XCR1: variants seen among roughly 807,000 people sequenced by gnomAD.
XCR1 encodes chemokine XC receptor 1.
For synonymous variants in XCR1, 187 were observed against 188.5 expected (o/e 0.99, Z 0.06); for missense variants, 356 against 424.2 (o/e 0.84, Z 1.41).
In XCR1 at chr3:46,020,206, G is replaced by A. The variant is rs980866773; in HGVS notation, c.*740C>T. The A allele has an allele frequency of 6.6e-6, 1 of 152,398 alleles. No individual in the cohort carries two copies. The highest frequency in any genetic ancestry group is 1.5e-5 in the Non-Finnish European group (1 of 68,064). The allele number at this position is 152,398 out of a possible 1,614,324, so 9.4% of individuals were successfully genotyped here. On this transcript the variant is annotated 3_prime_UTR_variant, in exon 2 of 2. Coordinates refer to ENST00000309285, the MANE Select transcript of XCR1 (RefSeq NM_001024644.2). ...CTTTGGAGCTGGGCTGTTGGCCCCT[G>A]GAGGGTAGCAACTGTATCTCATTCA...
intron 5 of XCR1, among the ~76,000 whole-genome samples, chr3:46,033,546 G>C (rs930176970): frequency 2.0e-5 from 3 of 149,818 alleles, no homozygotes; most frequent in Non-Finnish European, 4.4e-5. Flanking sequence ...ACTTTCACCA[G>C]TGTCACACTA....
Position 46,021,330 on chromosome 3 carries a change from C to T in XCR1, c.618G>A (p.Val206=). Residue 206 remains valine (V), a synonymous_variant, in exon 2 of 2, where the codon GTG becomes GTA. Coordinates refer to ENST00000309285, the MANE Select transcript of XCR1 (RefSeq NM_001024644.2). The surrounding 1 kb of genome is among the most constrained non-coding windows in gnomAD (Gnocchi z 4.7). ...AGCGGAACAGGGTCCTGAGGATCTC[C>T]ACGTAGCAGAACAGGATAATCCCCA... ...LSLGIILFCY[V]EILRTLFRSR... 6.2e-7 allele frequency: 1 copy of T among 1,614,194 alleles called. No homozygotes were observed. The highest frequency in any genetic ancestry group is 1.3e-5 in the African/African-American group (1 of 75,040).
At chr3:46,066,044 G>C (rs1234708182) in intron 4 of XCR1, among the ~76,000 whole-genome samples, 1 of 152,152 alleles carries the variant, frequency 6.6e-6, no homozygotes, top group Non-Finnish European at 1.5e-5. Context: ...TGGGTGGAAG[G>C]AGGGAGGCTA....
intron 1 of XCR1, among the ~76,000 whole-genome samples, chr3:46,026,015 T>G (rs35161099): frequency 0.09 from 13,716 of 152,242 alleles, 1,007 homozygotes; most frequent in South Asian, 0.34. Context: ...TGAGATTGTT[T>G]TAATACATGA....
chr3:46,082,476 C>CTTTTTTTTTTTTTTTTT (rs61282576), intron 1 of XCR1, among the ~76,000 whole-genome samples: 1 of 100,030 alleles, frequency 1.0e-5, no homozygotes, highest in African/African-American at 3.8e-5. Context: ...AATCAGGCTC[C>CTTTTTTTTTTTTTTTTT]TTTTTTTTTT....
chr3:46,047,875 T>C (rs1575423761), intron 5 of XCR1, among the ~76,000 whole-genome samples: 1 of 152,228 alleles, frequency 6.6e-6, no homozygotes, highest in Admixed American at 6.5e-5. Context: ...ACATAGATTG[T>C]TTTCTAGCCA....
intron 5 of XCR1, among the ~76,000 whole-genome samples, chr3:46,043,879 G>A (rs1004681284): frequency 2.0e-5 from 3 of 152,160 alleles, no homozygotes; most frequent in Non-Finnish European, 4.4e-5. Context: ...AATTATGTGT[G>A]TTAACATGAT....
At chr3:46,084,897 T>G (rs1698444410) in intron 1 of XCR1, among the ~76,000 whole-genome samples, 1 of 152,118 alleles carries the variant, frequency 6.6e-6, no homozygotes, top group Non-Finnish European at 1.5e-5. Context: ...CTCAGCATCT[T>G]GCAATATACC....
chr3:46,078,570 T>C (rs1362109414), intron 1 of XCR1, among the ~76,000 whole-genome samples: 3 of 152,154 alleles, frequency 2.0e-5, no homozygotes, highest in Non-Finnish European at 4.4e-5. Context: ...ACCTCTGCCT[T>C]GGGGAAGGGA....
chr3:46,071,434 G>A (rs1473143758), intron 3 of XCR1, among the ~76,000 whole-genome samples: 1 of 151,966 alleles, frequency 6.6e-6, no homozygotes, highest in Non-Finnish European at 1.5e-5. Flanking sequence ...CTAAAAAATT[G>A]AGGAGGGAAT....
intron 1 of XCR1, among the ~76,000 whole-genome samples, chr3:46,079,524 C>T (rs1303018236): frequency 1.3e-5 from 2 of 152,040 alleles, no homozygotes; most frequent in African/African-American, 4.8e-5. Flanking sequence ...TCTCCTCATC[C>T]TACCCCTGCA....
At chr3:46,041,497 T>G (rs1697536033) in intron 5 of XCR1, among the ~76,000 whole-genome samples, 1 of 152,188 alleles carries the variant, frequency 6.6e-6, no homozygotes. Context: ...GATTTCTGGG[T>G]GGCTGCAAGG....
At chr3:46,054,093 G>A (rs557985273) in intron 4 of XCR1, among the ~76,000 whole-genome samples, 7 of 152,270 alleles carry the variant, frequency 4.6e-5, no homozygotes, top group South Asian at 2.1e-4. Context: ...GGGCAAACGC[G>A]GGAATAAAAG....
At chr3:46,053,544 G>C (rs559127718) in intron 5 of XCR1, among the ~76,000 whole-genome samples, 7 of 152,284 alleles carry the variant, frequency 4.6e-5, no homozygotes, top group Non-Finnish European at 8.8e-5. Context: ...GATTCAGCCT[G>C]CTGTCCCGCA....
At chr3:46,053,362 A>G (rs114384254) in intron 5 of XCR1, among the ~76,000 whole-genome samples, 50,704 of 136,158 alleles carry the variant, frequency 0.37, 10,597 homozygotes, top group South Asian at 0.53. Flanking sequence ...CAGCCATGGC[A>G]GCAGAACGTA....
At chr3:46,030,091 A>C (rs1708369958), upstream of XCR1, among the ~76,000 whole-genome samples, 1 of 149,448 alleles carries the variant, frequency 6.7e-6, no homozygotes, top group South Asian at 2.1e-4. Context: ...TTCTCTATGT[A>C]CTATAAAGTC....
chr3:46,040,905 A>G (rs1473680888), intron 5 of XCR1, among the ~76,000 whole-genome samples: 1 of 152,232 alleles, frequency 6.6e-6, no homozygotes, highest in East Asian at 1.9e-4. Context: ...GCCCAGTGTG[A>G]AGCAGAGCAG....
At chr3:46,078,824 GA>G (rs1278337943) in intron 1 of XCR1, among the ~76,000 whole-genome samples, 1 of 152,254 alleles carries the variant, frequency 6.6e-6, no homozygotes, top group Non-Finnish European at 1.5e-5. Context: ...AGAGTTTGCA[GA>G]GTCTCTGCAG....
At chr3:46,023,455 C>T in intron 1 of XCR1, 6 of 1,526,770 alleles carry the variant, frequency 3.9e-6, no homozygotes, top group East Asian at 4.5e-5. Flanking sequence ...TGAGCAGGCT[C>T]GTCTTTCACT....
Sources: allele counts gnomAD v4.1 joint callset (sites outside exome capture counted in the v4.1 genomes callset), GRCh38; gene constraint gnomAD v4.1.1; non-coding constraint Gnocchi (gnomAD v3.1); transcripts MANE v1.5; gene names NCBI Gene and HGNC (gene_info 2026-07-23, HGNC 2026-07-21).